PRKCA: variants seen among roughly 807,000 people sequenced by gnomAD.
PRKCA encodes protein kinase C alpha type.
In PRKCA, 27 loss-of-function variants were observed where a neutral mutation model predicts 87.0. The observed-to-expected ratio is 0.31, with a 90% CI of 0.23 to 0.43. The LOEUF is 0.43. Ranked by LOEUF, PRKCA falls within the 20% of genes least tolerant of loss-of-function variation. PRKCA has a pLI of 1.00. For synonymous variants in PRKCA, 329 were observed against 311.1 expected, an observed-to-expected ratio of 1.06 and a Z score of -0.61; for missense variants, 518 against 852.3, an observed-to-expected ratio of 0.61 and a Z score of 4.88.
intron 2 of PRKCA, among the ~76,000 whole-genome samples, chr17:66,346,900 T>C (rs1248858917): frequency 1.3e-5 from 2 of 151,840 alleles, no homozygotes; most frequent in African/African-American, 4.8e-5. Flanking sequence ...GCGTGGTGGC[T>C]CACACCTGTA....
At chr17:66,473,823 A>G (rs1471398572) in intron 2 of PRKCA, among the ~76,000 whole-genome samples, 1 of 152,118 alleles carries the variant, frequency 6.6e-6, no homozygotes, top group South Asian at 2.1e-4. Flanking sequence ...AATCCTAGCT[A>G]CTCGGGAGGC....
At chr17:66,787,103 G>T (rs763550116) in intron 15 of PRKCA, 129 bp downstream of exon 15, 2 of 833,548 alleles carry the variant, frequency 2.4e-6, no homozygotes, top group Non-Finnish European at 4.3e-6. Flanking sequence ...GGCCATCGAG[G>T]GTTGGGGCTT....
intron 3 of PRKCA, among the ~76,000 whole-genome samples, chr17:66,499,621 C>T (rs1916639214): frequency 6.6e-6 from 1 of 152,128 alleles, no homozygotes; most frequent in Non-Finnish European, 1.5e-5. Context: ...AGGTAAAAAG[C>T]TTTAGAAAAG....
intron 5 of PRKCA, among the ~76,000 whole-genome samples, chr17:66,678,542 C>T (rs1972397268): frequency 6.6e-6 from 1 of 152,180 alleles, no homozygotes. Context: ...GCATACTCCA[C>T]TTAGTGGTGG....
At chr17:66,615,082 G>A (rs1266378511) in intron 3 of PRKCA, among the ~76,000 whole-genome samples, 2 of 152,098 alleles carry the variant, frequency 1.3e-5, no homozygotes, top group East Asian at 3.9e-4. Flanking sequence ...ACCCCAAATG[G>A]CTGTGTAGCT....
intron 3 of PRKCA, among the ~76,000 whole-genome samples, chr17:66,559,106 A>T (rs1490290658): frequency 6.6e-6 from 1 of 152,110 alleles, no homozygotes; most frequent in Non-Finnish European, 1.5e-5. Flanking sequence ...CTTGCACTGG[A>T]CTGGGAAAGT....
In PRKCA at chr17:66,363,393, A is replaced by G. The variant is rs192974136; in HGVS notation, c.205+57266A>G. 2.6e-3 allele frequency among the ~76,000 whole-genome samples: 398 copies of G among 152,314 alleles called. 3 individuals are homozygous for G. Among genetic ancestry groups the G allele is most frequent in the Non-Finnish European group, 2.3e-3 (159 of 68,022 alleles). The stretch of plus-strand genomic sequence containing the variant: ...ATTTTCTTAGTGTGAGACCAGAAAA[A>G]TGAAGCGTTGGTATTGGCCTTGGGG... On this transcript the variant is annotated intron_variant, in intron 2 of 16. Transcript: ENST00000413366.
chr17:66,378,619 G>T (rs943630119), intron 2 of PRKCA, among the ~76,000 whole-genome samples: 1 of 152,110 alleles, frequency 6.6e-6, no homozygotes, highest in Non-Finnish European at 1.5e-5. Flanking sequence ...AATTGAGCAG[G>T]CTGGGCGTAA....
At chr17:66,801,587 C>G (rs1030765911) in intron 16 of PRKCA, among the ~76,000 whole-genome samples, 2 of 152,212 alleles carry the variant, frequency 1.3e-5, no homozygotes, top group Non-Finnish European at 2.9e-5. Context: ...AAGAGCCTTT[C>G]TCCGTGTTTG....
chr17:66,635,872 G>A (rs1971139002), intron 3 of PRKCA, among the ~76,000 whole-genome samples: 1 of 152,032 alleles, frequency 6.6e-6, no homozygotes, highest in South Asian at 2.1e-4. Context: ...TTATCACTGG[G>A]GAAGCTGGAT....
rs1976104115 is a variant in PRKCA, at chr17:66,808,914, T to C, written c.*4877T>C. On this transcript the variant is annotated 3_prime_UTR_variant, in exon 17 of 17. Transcript: ENST00000413366. ...TTAGTAGAGATGGGGTTTCACCATG[T>C]TGGCCAGGATGGTCTTGAACCCCTG... The C allele has an allele frequency of 1.3e-5, 2 of 152,246 alleles. No individual in the cohort carries two copies. The highest frequency in any genetic ancestry group is 1.3e-4 in the Admixed American group (2 of 15,288). 9.4% of individuals were successfully genotyped at this position (152,246 alleles called of 1,614,324 possible). A position where few individuals can be genotyped will look rare whatever the true frequency, so the allele number is the denominator to read the frequency against.
intron 2 of PRKCA, among the ~76,000 whole-genome samples, chr17:66,473,159 G>T (rs548204339): frequency 6.6e-6 from 1 of 151,620 alleles, no homozygotes; most frequent in African/African-American, 2.4e-5. Context: ...ACTCTGCAGC[G>T]GGCTGCCTCC....
chr17:66,528,797 A>G (rs1390275463), intron 3 of PRKCA, among the ~76,000 whole-genome samples: 1 of 152,240 alleles, frequency 6.6e-6, no homozygotes, highest in Non-Finnish European at 1.5e-5. Flanking sequence ...TTTTAAAATG[A>G]TAGTTGGAAG....
At chr17:66,481,827 G>A (rs1012660042) in intron 2 of PRKCA, among the ~76,000 whole-genome samples, 1 of 152,142 alleles carries the variant, frequency 6.6e-6, no homozygotes, top group Non-Finnish European at 1.5e-5. Context: ...TTGGGGCTGG[G>A]TGTGGTGGCT....
At chr17:66,802,221 A>G (rs1217858133) in intron 16 of PRKCA, among the ~76,000 whole-genome samples, 1 of 152,154 alleles carries the variant, frequency 6.6e-6, no homozygotes, top group African/African-American at 2.4e-5. Context: ...CCCTGTCTCA[A>G]AAAAGAAAAA....
chr17:66,493,303 G>GTTTGTGTGTT (rs772019060), intron 2 of PRKCA, among the ~76,000 whole-genome samples: 2 of 150,960 alleles, frequency 1.3e-5, no homozygotes, highest in Non-Finnish European at 3.0e-5. Flanking sequence ...ATATTTGTGT[G>GTTTGTGTGTT]TGTGTGTGTG....
chr17:66,526,662 G>A (rs896119074), intron 3 of PRKCA, among the ~76,000 whole-genome samples: 3 of 152,126 alleles, frequency 2.0e-5, no homozygotes, highest in African/African-American at 7.2e-5. Context: ...TGAGTCACAT[G>A]GCTAAGCTCA....
At position 66,519,930 on chromosome 17, in the gene PRKCA, T is replaced by G. The variant is rs556331374; in HGVS notation, c.288+23647T>G. Among the ~76,000 whole-genome samples, 3 of 152,340 alleles carry G rather than the reference T, an allele frequency of 2.0e-5. No homozygotes were observed. In the South Asian group the frequency reaches 6.2e-4, roughly 32 times the overall value. On this transcript the variant is annotated intron_variant, in intron 3 of 16. Transcript: ENST00000413366. ...AGTTCTCCTTACCATGTAAGATTCCTGGCAATTCCCAGAGCTCATACACTT... is the reference window on the plus strand; with the variant it reads ...AGTTCTCCTTACCATGTAAGATTCCGGGCAATTCCCAGAGCTCATACACTT...
At chr17:66,658,342 A>G (rs1433394352) in intron 5 of PRKCA, among the ~76,000 whole-genome samples, 1 of 152,142 alleles carries the variant, frequency 6.6e-6, no homozygotes, top group African/African-American at 2.4e-5. Flanking sequence ...TTAGCTGGGC[A>G]TGGTGGCAGA....
Sources: allele counts gnomAD v4.1 joint callset (sites outside exome capture counted in the v4.1 genomes callset), GRCh38; gene constraint gnomAD v4.1.1; transcripts MANE v1.5; gene names NCBI Gene and HGNC (gene_info 2026-07-23, HGNC 2026-07-21).